Variants in CSMD1 observed in about 807,000 individuals in gnomAD.
The protein encoded by CSMD1 is CUB and sushi domain-containing protein 1.
A neutral mutation model predicts 417.5 loss-of-function variants in CSMD1; 213 were observed. That is an observed-to-expected ratio of 0.51 (90% CI 0.46 to 0.57). The LOEUF is 0.57. CSMD1 is among the 20% of genes least tolerant of loss of function. CSMD1 has a pLI of 0.00. For synonymous variants in CSMD1, 2,862 were observed against 1,736.8 expected (o/e 1.65, Z -16.11); for missense variants, 6,923 against 4,529.7 (o/e 1.53, Z -15.17).
At chr8:3,016,688 C>G (rs1464730649) in intron 52 of CSMD1, among the ~76,000 whole-genome samples, 10 of 151,918 alleles carry the variant, frequency 6.6e-5, no homozygotes, top group African/African-American at 2.4e-5. Flanking sequence ...TTTTATTATT[C>G]CTTATATGCT....
intron 50 of CSMD1, among the ~76,000 whole-genome samples, chr8:3,040,041 G>A (rs1485463210): frequency 6.6e-6 from 1 of 152,154 alleles, no homozygotes; most frequent in Non-Finnish European, 1.5e-5. Context: ...AGACCACTGA[G>A]GGGTGAAAAG....
intron 1 of CSMD1, among the ~76,000 whole-genome samples, chr8:4,779,681 A>G (rs977309191): frequency 1.3e-5 from 2 of 152,138 alleles, no homozygotes; most frequent in Admixed American, 6.6e-5. Context: ...CCATTGCAAC[A>G]TTTCATCACT....
chr8:4,988,157 G>C (rs1184882625), intron 1 of CSMD1, among the ~76,000 whole-genome samples: 1 of 152,160 alleles, frequency 6.6e-6, no homozygotes, highest in East Asian at 1.9e-4. Context: ...TTATGTTCTT[G>C]ATCTCATGTC....
At chr8:4,975,727 T>G (rs114028625) in intron 1 of CSMD1, among the ~76,000 whole-genome samples, 1,643 of 152,300 alleles carry the variant, frequency 0.011, 31 homozygotes, top group African/African-American at 0.038. Flanking sequence ...TCATCTGATG[T>G]GCTGAGACAA....
intron 5 of CSMD1, among the ~76,000 whole-genome samples, chr8:3,858,632 C>T (rs952880450): frequency 2.0e-5 from 3 of 151,842 alleles, no homozygotes; most frequent in Non-Finnish European, 4.4e-5. Context: ...AAAACATTAC[C>T]TTTTTCTATG....
At chr8:4,238,701 C>A (rs13270159) in intron 3 of CSMD1, among the ~76,000 whole-genome samples, 1 of 151,954 alleles carries the variant, frequency 6.6e-6, no homozygotes, top group Non-Finnish European at 1.5e-5. Flanking sequence ...TACCTGTTAG[C>A]TGTTTGGGGC....
At chr8:3,287,339 A>G (rs1465883161) in intron 25 of CSMD1, among the ~76,000 whole-genome samples, 1 of 152,148 alleles carries the variant, frequency 6.6e-6, no homozygotes, top group Non-Finnish European at 1.5e-5. Flanking sequence ...TTCTGTGAAG[A>G]AAGTCATTGG....
intron 3 of CSMD1, among the ~76,000 whole-genome samples, chr8:4,259,012 T>C (rs929050774): frequency 6.6e-6 from 1 of 152,222 alleles, no homozygotes; most frequent in African/African-American, 2.4e-5. Flanking sequence ...AAGAGACGTT[T>C]GTTGGAAATG....
chr8:3,541,172 A>G (rs10088266), intron 10 of CSMD1, among the ~76,000 whole-genome samples: 6,017 of 152,352 alleles, frequency 0.039, 348 homozygotes, highest in African/African-American at 0.12. Context: ...AATGTGGTAG[A>G]TATACACCAT....
chr8:3,753,866 T>TAGAA lies in CSMD1; in HGVS notation c.931+60_931+63dup. 6.0e-6 allele frequency: 7 copies of TAGAA among 1,167,126 alleles called. No individual in the cohort carries two copies. The South Asian group carries it at 8.2e-5, about 14-fold the overall frequency. 72.3% of individuals were successfully genotyped at this position (1,167,126 alleles called of 1,614,324 possible). A position where few individuals can be genotyped will look rare whatever the true frequency, so the allele number is the denominator to read the frequency against. ...TATCCAACTCCTAAAATTTCATGGCTAGAAAGGATCAAAATATATTACGCT... is the reference window on the plus strand; with the variant it reads ...TATCCAACTCCTAAAATTTCATGGCTAGAAAGAAAGGATCAAAATATATTACGCT... On this transcript the variant is annotated intron_variant, in intron 6 of 69. Coordinates refer to ENST00000635120, the MANE Select transcript of CSMD1 (RefSeq NM_033225.6).
chr8:4,820,799 T>C (rs1799480444), intron 1 of CSMD1, among the ~76,000 whole-genome samples: 1 of 152,136 alleles, frequency 6.6e-6, no homozygotes, highest in Non-Finnish European at 1.5e-5. Context: ...AACAAGACAA[T>C]AAGATGAAGA....
chr8:4,838,158 C>T (rs1309984542), intron 1 of CSMD1, among the ~76,000 whole-genome samples: 3 of 152,110 alleles, frequency 2.0e-5, no homozygotes, highest in African/African-American at 7.2e-5. Flanking sequence ...TAGCTTTCTG[C>T]TACTTGTGGA....
At chr8:3,461,102 G>C (rs1263790663) in intron 12 of CSMD1, among the ~76,000 whole-genome samples, 2 of 152,352 alleles carry the variant, frequency 1.3e-5, no homozygotes, top group East Asian at 1.9e-4. Flanking sequence ...GCAGACTCAG[G>C]TCCCACCATC....
chr8:4,193,408 G>T (rs1368706911), intron 3 of CSMD1, among the ~76,000 whole-genome samples: 3 of 151,776 alleles, frequency 2.0e-5, no homozygotes, highest in Non-Finnish European at 4.4e-5. Context: ...GGGCTTCCAA[G>T]TCTGTTTGCT....
chr8:4,143,210 A>G (rs1325978836), intron 3 of CSMD1, among the ~76,000 whole-genome samples: 1 of 151,228 alleles, frequency 6.6e-6, no homozygotes, highest in African/African-American at 2.5e-5. Flanking sequence ...CCCTGTCCAC[A>G]GAACGGTGTG....
At chr8:3,538,423 C>G (rs949137543) in intron 10 of CSMD1, among the ~76,000 whole-genome samples, 1 of 152,054 alleles carries the variant, frequency 6.6e-6, no homozygotes, top group African/African-American at 2.4e-5. Flanking sequence ...AAATGGTGCA[C>G]TTGAGATGCC....
chr8:3,229,728 T>C (rs1177720568), intron 27 of CSMD1, among the ~76,000 whole-genome samples: 3 of 152,222 alleles, frequency 2.0e-5, no homozygotes, highest in South Asian at 2.1e-4. Context: ...GGTAGGTTTA[T>C]AAATTTTGAG....
intron 5 of CSMD1, among the ~76,000 whole-genome samples, chr8:3,958,137 C>G (rs762796186): frequency 2.0e-4 from 30 of 152,210 alleles, no homozygotes; most frequent in Non-Finnish European, 3.5e-4. Context: ...CTGCCAAAGT[C>G]TTAATGAGCA....
Position 3,951,876 on chromosome 8 carries a change from C to T in CSMD1, c.818+46027G>A, listed in dbSNP as rs368247865. 2.1e-4 allele frequency among the ~76,000 whole-genome samples: 32 copies of T among 151,912 alleles called. No homozygotes were observed. The East Asian group carries it at 5.6e-3, about 27-fold the overall frequency. On this transcript the variant is annotated intron_variant, in intron 5 of 69. Transcript: ENST00000635120. ...AATACATAACTTGCACATTAAACTA[C>T]ATAAGCTATCCTGGAGGAAAAAAAA...
Sources: gnomAD v4.1 joint callset for allele counts (sites outside exome capture counted in the v4.1 genomes callset) on GRCh38, gnomAD v4.1.1 for gene constraint, MANE v1.5 for transcripts, NCBI Gene and HGNC (gene_info 2026-07-23, HGNC 2026-07-21) for gene names.